LONP2: variants seen among roughly 807,000 people sequenced by gnomAD.
The protein encoded by LONP2 is lon protease homolog 2, peroxisomal.
LONP2 carries 60 observed loss-of-function variants against 85.6 expected under a neutral mutation model. The ratio of observed to expected loss-of-function variants is 0.70; its 90% CI spans 0.57 to 0.87. The LOEUF is 0.87. LONP2 is among the 40% of genes least tolerant of loss of function. The pLI, the probability that LONP2 is intolerant of heterozygous loss-of-function variation, is 0.00. For missense variants in LONP2, 860 were observed against 1,063.5 expected (o/e 0.81, Z 2.66); for synonymous variants, 395 against 389.7 (o/e 1.01, Z -0.16).
rs1895190509 is a variant in LONP2, at chr16:48,355,258, G to A, written c.*3456G>A. 1 of 152,142 alleles carries A rather than the reference G, an allele frequency of 6.6e-6. No homozygotes were observed. 9.4% of individuals were successfully genotyped at this position (152,142 alleles called of 1,614,324 possible). A position where few individuals can be genotyped will look rare whatever the true frequency, so the allele number is the denominator to read the frequency against. ...CACCAACGTGATAGGTGAGGCTTTA[G>A]GAGGTGATTATGTCATGAGAGCTCC... On this transcript the variant is annotated 3_prime_UTR_variant, in exon 15 of 15. Coordinates refer to ENST00000285737, the MANE Select transcript of LONP2 (RefSeq NM_031490.5).
At chr16:48,362,000 A>C (rs1047192538), downstream of LONP2, 6 of 1,614,222 alleles carry the variant, frequency 3.7e-6, no homozygotes. Flanking sequence ...GGGGCATTAC[A>C]GCATCCAGAG....
rs112376488 is a variant in LONP2 at position 48,342,877 on chromosome 16, A to T, written c.1939-4630A>T. On this transcript the variant is annotated intron_variant, in intron 12 of 14. Transcript: ENST00000285737. Reference sequence around the variant, plus strand: ...ATGGTGTGAACACCACTACAGAGCAACCTGCACACCACAGCAATTTGACAG... The same window carrying T: ...ATGGTGTGAACACCACTACAGAGCATCCTGCACACCACAGCAATTTGACAG... Among the ~76,000 whole-genome samples the T allele has an allele frequency of 6.7e-3, 1,023 of 152,326 alleles. 13 individuals are homozygous for T. Among genetic ancestry groups the T allele is most frequent in the African/African-American group, 0.023 (973 of 41,572 alleles).
At chr16:48,263,491 C>T (rs1971920688) in intron 6 of LONP2, among the ~76,000 whole-genome samples, 1 of 152,120 alleles carries the variant, frequency 6.6e-6, no homozygotes, top group Non-Finnish European at 1.5e-5. Context: ...AGCATGATGC[C>T]CTCTAACCTA....
chr16:48,326,108 T>C (rs1266736134), intron 11 of LONP2, among the ~76,000 whole-genome samples: 3 of 152,250 alleles, frequency 2.0e-5, no homozygotes, highest in Non-Finnish European at 4.4e-5. Flanking sequence ...TTTAATGTTC[T>C]GTTTATTGTG....
In LONP2 at chr16:48,348,242, A is replaced by C; in HGVS notation, c.2289A>C (p.Ser763=). 1 of 1,600,260 alleles carries C rather than the reference A, an allele frequency of 6.2e-7. No individual in the cohort carries two copies. Among genetic ancestry groups the C allele is most frequent in the Non-Finnish European group, 8.5e-7 (1 of 1,174,720 alleles). The change falls in exon 14 of 15, where the codon TCA becomes TCC. Residue 763 remains serine, a synonymous_variant. Transcript: ENST00000285737. Reference sequence around the variant, plus strand: ...TTTTTAGTGGGCGGCTGGTACGTTCAGATGTAGCCATGACTGGAGAAATTA... The same window carrying C: ...TTTTTAGTGGGCGGCTGGTACGTTCCGATGTAGCCATGACTGGAGAAATTA... The part of the protein sequence containing the change: ...ASLFSGRLVR[S]DVAMTGEITL...
At chr16:48,334,991 C>T (rs1959599367) in intron 12 of LONP2, 1 of 293,424 alleles carries the variant, frequency 3.4e-6, no homozygotes, top group Non-Finnish European at 6.7e-6. Context: ...AAGATGGAAA[C>T]TTTATTTCTA....
intron 9 of LONP2, among the ~76,000 whole-genome samples, chr16:48,299,358 G>A (rs1007188508): frequency 6.6e-6 from 1 of 151,936 alleles, no homozygotes; most frequent in African/African-American, 2.4e-5. Context: ...GCTGAGGCTG[G>A]TGGATCACTT....
Position 48,295,571 on chromosome 16 carries a change from G to C in LONP2, c.1384-444G>C, listed in dbSNP as rs575720033. On this transcript the variant is annotated intron_variant, in intron 8 of 14. Coordinates refer to ENST00000285737, the MANE Select transcript of LONP2 (RefSeq NM_031490.5). ...AATTTATACCAGACTTTCTGAAAATGTTTGAGGAGGATTATATGGGTTCTT... is the reference window on the plus strand; with the variant it reads ...AATTTATACCAGACTTTCTGAAAATCTTTGAGGAGGATTATATGGGTTCTT... 9.9e-5 allele frequency among the ~76,000 whole-genome samples: 15 copies of C among 152,282 alleles called. No individual in the cohort carries two copies. In the East Asian group the frequency reaches 2.9e-3, roughly 29 times the overall value.
Position 48,351,844 on chromosome 16 carries a change from T to A in LONP2, c.*42T>A. ...TTTAGAATTTTAAGTTATGAAGTGCTCAAAGGTACTGACACAGTTGATTTT... is the reference window on the plus strand; with the variant it reads ...TTTAGAATTTTAAGTTATGAAGTGCACAAAGGTACTGACACAGTTGATTTT... On this transcript the variant is annotated 3_prime_UTR_variant, in exon 15 of 15. Transcript: ENST00000285737. The A allele has an allele frequency of 6.7e-7, 1 of 1,499,456 alleles. No homozygotes were observed. Among genetic ancestry groups the A allele is most frequent in the Admixed American group, 1.7e-5 (1 of 59,014 alleles). The allele number at this position is 1,499,456 out of a possible 1,614,324, so 92.9% of individuals were successfully genotyped here.
chr16:48,285,167 C>T (rs1441805960), intron 8 of LONP2, among the ~76,000 whole-genome samples: 2 of 151,884 alleles, frequency 1.3e-5, no homozygotes, highest in Non-Finnish European at 2.9e-5. Context: ...TGTCCTCTCA[C>T]CACTTTCTGG....
chr16:48,317,834 C>A (rs921020578), intron 11 of LONP2, among the ~76,000 whole-genome samples: 3 of 152,282 alleles, frequency 2.0e-5, no homozygotes, highest in Admixed American at 2.0e-4. Context: ...GACCACAAAG[C>A]TTTGGCTGGC....
At chr16:48,312,115 A>AT (rs1596973864) in intron 11 of LONP2, among the ~76,000 whole-genome samples, 1 of 151,044 alleles carries the variant, frequency 6.6e-6, no homozygotes, top group Admixed American at 6.6e-5. Flanking sequence ...TAATTTTTGT[A>AT]TTTTTTTAGT....
At chr16:48,298,781 T>G (rs1433606901) in intron 9 of LONP2, among the ~76,000 whole-genome samples, 2 of 152,220 alleles carry the variant, frequency 1.3e-5, no homozygotes, top group Admixed American at 6.5e-5. Context: ...GGTGTTTTCC[T>G]CTTTGGGAAA....
chr16:48,313,456 T>C (rs1048768051), intron 11 of LONP2, among the ~76,000 whole-genome samples: 3 of 152,130 alleles, frequency 2.0e-5, no homozygotes, highest in African/African-American at 7.2e-5. Context: ...CATTAGCTAT[T>C]CTTCCTGATG....
chr16:48,296,985 T>C (rs1972687149), intron 9 of LONP2, among the ~76,000 whole-genome samples: 1 of 152,164 alleles, frequency 6.6e-6, no homozygotes, highest in Non-Finnish European at 1.5e-5. Context: ...TTTTTTTTAA[T>C]GTAGAGTAGA....
At chr16:48,325,687 A>G (rs1973354734) in intron 11 of LONP2, among the ~76,000 whole-genome samples, 2 of 152,292 alleles carry the variant, frequency 1.3e-5, no homozygotes, top group South Asian at 2.1e-4. Flanking sequence ...TTGATTCCAT[A>G]TATTAGCTAT....
rs1597012096 is a variant in LONP2, at chr16:48,356,160, C to CGTAAA, written c.*4362_*4366dup. The CGTAAA allele has an allele frequency of 1.3e-5, 2 of 152,094 alleles. No individual in the cohort carries two copies. The highest frequency in any genetic ancestry group is 2.9e-5 in the Non-Finnish European group (2 of 68,036). 9.4% of individuals were successfully genotyped at this position (152,094 alleles called of 1,614,324 possible). A position where few individuals can be genotyped will look rare whatever the true frequency, so the allele number is the denominator to read the frequency against. On this transcript the variant is annotated 3_prime_UTR_variant, in exon 15 of 15. Transcript: ENST00000285737. ...AAATAGTTCACGAGAAATCCATGAC[C>CGTAAA]GTAAAGTACTGTGATAGTGATGTCT...
chr16:48,341,270 A>G (rs1256604538), intron 12 of LONP2, among the ~76,000 whole-genome samples: 2 of 152,278 alleles, frequency 1.3e-5, no homozygotes, highest in East Asian at 3.9e-4. Context: ...ACTGCACTCC[A>G]GCTTGGGACA....
rs78930757 is a variant in LONP2, at chr16:48,354,184, C to A, written c.*2382C>A. The A allele has an allele frequency of 0.038, 5,057 of 133,712 alleles. 163 individuals are homozygous for A. The highest frequency in any genetic ancestry group is 0.13 in the Middle Eastern group (31 of 230). The allele number at this position is 133,712 out of a possible 1,614,324, so 8.3% of individuals were successfully genotyped here. On this transcript the variant is annotated 3_prime_UTR_variant, in exon 15 of 15. Transcript: ENST00000285737. ...TATCAGTTACTGGATCTAAGCATGT[C>A]CACTCTACACGCTTTTTTTTTTTTT...
Sources: gnomAD v4.1 joint callset for allele counts (sites outside exome capture counted in the v4.1 genomes callset) on GRCh38, gnomAD v4.1.1 for gene constraint, MANE v1.5 for transcripts, NCBI Gene and HGNC (gene_info 2026-07-23, HGNC 2026-07-21) for gene names.